The following F8 variants were observed in gnomAD, a reference collection of about 807,000 sequenced individuals.
The protein encoded by F8 is antihemophilic factor.
In F8, 12 loss-of-function variants were observed where a neutral mutation model predicts 140.6. The ratio of observed to expected loss-of-function variants is 0.09; its 90% CI spans 0.05 to 0.14. The LOEUF (loss-of-function observed/expected upper bound fraction) is 0.14, where lower values mean the gene tolerates loss of function less well. F8 is among the 10% of genes least tolerant of loss of function. F8 has a pLI of 1.00. For missense variants in F8, 1,354 were observed against 1,720.7 expected, an observed-to-expected ratio of 0.79 and a Z score of 3.77; for synonymous variants, 585 against 614.6, an observed-to-expected ratio of 0.95 and a Z score of 0.71.
chrX:155,021,738 T>A (rs782430846), intron 1 of F8, among the ~76,000 whole-genome samples: 31 of 111,963 alleles, frequency 2.8e-4, no homozygotes, highest in Middle Eastern at 4.6e-3. Flanking sequence ...CACAGGAGAC[T>A]CTTACATAAC....
Position 154,930,280 on chromosome X carries a change from T to C in F8, c.3510A>G (p.Val1170=), listed in dbSNP as rs1557278631. 2 of 1,211,630 alleles carry C rather than the reference T, an allele frequency of 1.7e-6. No individual in the cohort carries two copies. The highest frequency in any genetic ancestry group is 2.2e-6 in the Non-Finnish European group (2 of 895,284). Residue 1170 remains valine, a synonymous_variant, in exon 14 of 26, where the codon GTA becomes GTG. Coordinates refer to ENST00000360256, the MANE Select transcript of F8 (RefSeq NM_000132.4). The part of the protein sequence containing the change: ...QNFLSEKNKV[V]VGKGEFTKDV... ...CCTTTGTAAATTCACCCTTTCCTAC[T>C]ACCACTTTGTTTTTCTCAGACAAGA...
chrX:154,944,132 C>G (rs1374474690), intron 13 of F8, among the ~76,000 whole-genome samples: 121 of 111,481 alleles, frequency 1.1e-3, no homozygotes, highest in African/African-American at 3.8e-3. Context: ...GTCTAAAACA[C>G]CAAAAGCAAT....
At chrX:154,852,632 G>A (rs2072624516) in intron 25 of F8, among the ~76,000 whole-genome samples, 1 of 111,261 alleles carries the variant, frequency 9.0e-6, no homozygotes, top group African/African-American at 3.3e-5. Flanking sequence ...CTGAAATTGG[G>A]AAGTATGACT....
In F8 at chrX:154,927,133, A is replaced by G. The variant is rs782472078; in HGVS notation, c.5219+1438T>C. On this transcript the variant is annotated intron_variant, in intron 14 of 25. Coordinates refer to ENST00000360256, the MANE Select transcript of F8 (RefSeq NM_000132.4). ...ATAAGATGAGGGCTAGTAATCAGTA[A>G]TGTAAAGATCAATAATGACCTTGAA... Among the ~76,000 whole-genome samples the G allele has an allele frequency of 1.9e-3, 217 of 111,953 alleles. 1 individual carries two copies. Among genetic ancestry groups the G allele is most frequent in the Non-Finnish European group, 3.4e-3 (181 of 53,185 alleles).
At position 154,880,839 on chromosome X, in the gene F8, A is replaced by G. The variant is rs147240369; in HGVS notation, c.6429+15238T>C. Among the ~76,000 whole-genome samples, 822 of 111,467 alleles carry G rather than the reference A, an allele frequency of 7.4e-3. 12 individuals are homozygous for G. The highest frequency in any genetic ancestry group is 0.024 in the African/African-American group (745 of 30,501). On this transcript the variant is annotated intron_variant, in intron 22 of 25. Transcript: ENST00000360256. Reference sequence around the variant, plus strand: ...AATATTTCTCGTTGGTGTTGTCTCAATGCTTAACACAGTATACCTGGCACT... The same window carrying G: ...AATATTTCTCGTTGGTGTTGTCTCAGTGCTTAACACAGTATACCTGGCACT...
chrX:155,012,921 C>G (rs902371504), intron 1 of F8, among the ~76,000 whole-genome samples: 4 of 109,334 alleles, frequency 3.7e-5, no homozygotes, highest in Non-Finnish European at 7.6e-5. Flanking sequence ...CCGAGGTGGG[C>G]GGATCATGAG....
At chrX:154,857,700 T>C (rs2072660293) in intron 25 of F8, among the ~76,000 whole-genome samples, 1 of 112,455 alleles carries the variant, frequency 8.9e-6, no homozygotes, top group Admixed American at 9.4e-5. Flanking sequence ...GGAAGGAACA[T>C]GATTAGAAAA....
chrX:154,860,238 C>G (rs905701703), intron 25 of F8, among the ~76,000 whole-genome samples, 194 bp downstream of exon 25: 12 of 111,851 alleles, frequency 1.1e-4, no homozygotes, highest in Middle Eastern at 9.2e-3. Context: ...CTGCCCTTTT[C>G]TCAGTATTTT....
intron 14 of F8, among the ~76,000 whole-genome samples, chrX:154,906,885 T>C (rs781903739): frequency 3.8e-4 from 43 of 112,662 alleles, no homozygotes; most frequent in South Asian, 7.2e-4. Context: ...GAGAGTCCCA[T>C]GGTCAAGCCC....
At chrX:155,018,491 A>G (rs1334436244) in intron 1 of F8, among the ~76,000 whole-genome samples, 1 of 109,790 alleles carries the variant, frequency 9.1e-6, no homozygotes, top group African/African-American at 3.3e-5. Context: ...TATACCAACT[A>G]GAAAAAAAAA....
At chrX:154,901,528 C>G in intron 19 of F8, 86 bp from the exon 20 acceptor site, 1 of 638,485 alleles carries the variant, frequency 1.6e-6, no homozygotes, top group Non-Finnish European at 2.7e-6. Flanking sequence ...GGGAGAACGT[C>G]AACAAATGCT....
At chrX:154,985,198 G>A (rs1557284099) in intron 5 of F8, among the ~76,000 whole-genome samples, 8 of 111,793 alleles carry the variant, frequency 7.2e-5, no homozygotes, top group Non-Finnish European at 5.6e-5. Context: ...CACTCTGGGA[G>A]GCTGAGGCAG....
chrX:155,004,037 A>T (rs1377513850), intron 1 of F8, among the ~76,000 whole-genome samples: 1 of 109,736 alleles, frequency 9.1e-6, no homozygotes, highest in Non-Finnish European at 1.9e-5. Context: ...GGCATATTAT[A>T]TTCAAACTCC....
At chrX:154,894,932 G>A (rs1343271653) in intron 22 of F8, among the ~76,000 whole-genome samples, 1 of 111,380 alleles carries the variant, frequency 9.0e-6, no homozygotes, top group Non-Finnish European at 1.9e-5. Context: ...TCCTAACTGA[G>A]GCTCCAGAAA....
chrX:155,016,188 C>T lies in F8; in HGVS notation c.143+6222G>A, dbSNP rs782180606. Among the ~76,000 whole-genome samples, 6 of 109,053 alleles carry T rather than the reference C, an allele frequency of 5.5e-5. No homozygotes were observed. In the South Asian group the frequency reaches 1.6e-3, roughly 29 times the overall value. The allele number at this position is 109,053 out of a possible 115,157, so 94.7% of individuals were successfully genotyped here. On this transcript the variant is annotated intron_variant, in intron 1 of 25. Coordinates refer to ENST00000360256, the MANE Select transcript of F8 (RefSeq NM_000132.4). ...GGAGGCAGATGTTGAGCTGAGATTG[C>T]GCCACTGCACTCCAGCCTGTGTGAT...
rs1271214573 is a variant in F8 at position 154,836,382 on chromosome X, C to G, written c.*1215G>C. The G allele has an allele frequency of 1.8e-5, 2 of 111,042 alleles. No individual in the cohort carries two copies. The highest frequency in any genetic ancestry group is 3.8e-5 in the Non-Finnish European group (2 of 53,036). 9.2% of individuals were successfully genotyped at this position (111,042 alleles called of 1,213,427 possible). ...CAGGCAGATGGAAGGAGCAGTAAACCCTTCACAATCTTATGGGGGTGGAGG... is the reference window on the plus strand; with the variant it reads ...CAGGCAGATGGAAGGAGCAGTAAACGCTTCACAATCTTATGGGGGTGGAGG... On this transcript the variant is annotated 3_prime_UTR_variant, in exon 26 of 26. Transcript: ENST00000360256.
intron 6 of F8, among the ~76,000 whole-genome samples, chrX:154,982,403 G>C (rs1158515473): frequency 2.1e-5 from 2 of 97,175 alleles, no homozygotes; most frequent in Non-Finnish European, 2.0e-5. Flanking sequence ...AGCTGAGATT[G>C]CGCCACTGCA....
At chrX:154,943,133 T>G (rs1210342316) in intron 13 of F8, among the ~76,000 whole-genome samples, 1 of 111,774 alleles carries the variant, frequency 8.9e-6, no homozygotes, top group African/African-American at 3.3e-5. Flanking sequence ...TCTCTCACCT[T>G]TCCTATTCAA....
chrX:154,969,042 T>C (rs2124109471), intron 7 of F8, among the ~76,000 whole-genome samples: 1 of 111,080 alleles, frequency 9.0e-6, no homozygotes, highest in South Asian at 3.8e-4. Flanking sequence ...ACCAAGGGCA[T>C]ACTATTCTCC....
Sources: allele counts gnomAD v4.1 joint callset (sites outside exome capture counted in the v4.1 genomes callset), GRCh38; gene constraint gnomAD v4.1.1; transcripts MANE v1.5; gene names NCBI Gene and HGNC (gene_info 2026-07-23, HGNC 2026-07-21).